TENM3: variants seen among roughly 807,000 people sequenced by gnomAD.
TENM3 encodes the protein teneurin-3.
In TENM3, 63 loss-of-function variants were observed where a neutral mutation model predicts 255.1. That is an observed-to-expected ratio of 0.25 (90% CI 0.20 to 0.30). TENM3 has a LOEUF of 0.30. Ranked by LOEUF, TENM3 falls within the 10% of genes least tolerant of loss-of-function variation. The pLI, the probability that TENM3 is intolerant of heterozygous loss-of-function variation, is 1.00. For missense variants in TENM3, 2,929 were observed against 3,461.1 expected (o/e 0.85, Z 3.86); for synonymous variants, 1,306 against 1,322.3 (o/e 0.99, Z 0.27).
intron 1 of TENM3, among the ~76,000 whole-genome samples, chr4:182,290,659 C>A (rs994187708): frequency 6.6e-6 from 1 of 150,960 alleles, no homozygotes; most frequent in Admixed American, 6.6e-5. Flanking sequence ...CCCGCCACCA[C>A]GCCCAGCTAA....
At chr4:181,468,809 C>T in the TENM3 span, among the ~76,000 whole-genome samples, 1 of 152,330 alleles carries the variant, frequency 6.6e-6, no homozygotes, top group South Asian at 2.1e-4. Context: ...TTTGCACTCA[C>T]TGATTTAACA....
intron 3 of TENM3, among the ~76,000 whole-genome samples, chr4:182,425,776 G>T (rs991343912): frequency 6.6e-6 from 1 of 152,112 alleles, no homozygotes; most frequent in Non-Finnish European, 1.5e-5. Flanking sequence ...TTCGGAGGCC[G>T]AGGCAGGCGG....
At chr4:181,949,646 A>G in the TENM3 span, among the ~76,000 whole-genome samples, 1 of 152,098 alleles carries the variant, frequency 6.6e-6, no homozygotes, top group East Asian at 1.9e-4. Context: ...TTTTAATATG[A>G]AAGTCCAAGC....
the TENM3 span, among the ~76,000 whole-genome samples, chr4:181,745,965 T>A: frequency 2.0e-5 from 3 of 152,244 alleles, no homozygotes; most frequent in East Asian, 5.8e-4. Flanking sequence ...ACCAAATGAA[T>A]ATTTAGGAAC....
chr4:182,324,110 T>C lies in TENM3; in HGVS notation c.90T>C (p.Asn30=), dbSNP rs534555806. The C allele has an allele frequency of 6.2e-7, 1 of 1,613,886 alleles. No homozygotes were observed. Among genetic ancestry groups the C allele is most frequent in the East Asian group, 2.2e-5 (1 of 44,862 alleles). Residue 30 remains asparagine, a synonymous_variant, in exon 2 of 28, where the codon AAT becomes AAC. Coordinates refer to ENST00000511685, the MANE Select transcript of TENM3 (RefSeq NM_001080477.4). The stretch of plus-strand genomic sequence containing the variant: ...GCTACACAAATTCCTCCGCAGACAA[T>C]GAGGAGTGCCGGGTACCCACACAGA... ...ERRYTNSSAD[N]EECRVPTQKS...
chr4:182,227,897 C>T (rs1756283124), intron 1 of TENM3, among the ~76,000 whole-genome samples: 1 of 152,048 alleles, frequency 6.6e-6, no homozygotes, highest in African/African-American at 2.4e-5. Flanking sequence ...GGTGGAGCGG[C>T]AGAGAGGGAC....
chr4:181,876,349 A>C, the TENM3 span, among the ~76,000 whole-genome samples: 1 of 152,282 alleles, frequency 6.6e-6, no homozygotes, highest in African/African-American at 2.4e-5. Flanking sequence ...CCTACCATGA[A>C]ATATGGGGAA....
the TENM3 span, among the ~76,000 whole-genome samples, chr4:181,899,736 T>G: frequency 1.3e-5 from 2 of 151,930 alleles, no homozygotes; most frequent in Non-Finnish European, 2.9e-5. Flanking sequence ...CCCAGCTAGT[T>G]TTTGTATTTT....
At chr4:182,138,801 C>T in the TENM3 span, among the ~76,000 whole-genome samples, 1 of 152,202 alleles carries the variant, frequency 6.6e-6, no homozygotes, top group Non-Finnish European at 1.5e-5. Flanking sequence ...TGCCTTTTCT[C>T]ATTGTTTTTG....
the TENM3 span, among the ~76,000 whole-genome samples, chr4:181,627,187 A>T: frequency 1.3e-5 from 2 of 152,314 alleles, no homozygotes; most frequent in East Asian, 3.9e-4. Flanking sequence ...AGGGGTGCTT[A>T]ATATATGGGG....
chr4:182,036,550 C>T, the TENM3 span, among the ~76,000 whole-genome samples: 1 of 152,132 alleles, frequency 6.6e-6, no homozygotes, highest in Non-Finnish European at 1.5e-5. Flanking sequence ...TTTATATCCC[C>T]CAAACCCAAA....
the TENM3 span, among the ~76,000 whole-genome samples, chr4:181,715,324 C>G: frequency 6.6e-6 from 1 of 152,264 alleles, no homozygotes; most frequent in African/African-American, 2.4e-5. Flanking sequence ...TTAGATGTTA[C>G]ACATAGTACT....
the TENM3 span, among the ~76,000 whole-genome samples, chr4:181,547,239 C>T: frequency 2.0e-5 from 3 of 151,956 alleles, no homozygotes; most frequent in African/African-American, 7.3e-5. Context: ...TAAAATATGA[C>T]ATTTTATATA....
chr4:182,177,188 T>G (rs1445981965), intron 1 of TENM3, among the ~76,000 whole-genome samples: 12 of 152,226 alleles, frequency 7.9e-5, no homozygotes, highest in African/African-American at 2.9e-4. Context: ...CTTGTTCCCC[T>G]TTGTCTTGCA....
intron 3 of TENM3, among the ~76,000 whole-genome samples, chr4:182,364,561 C>T (rs1394231386): frequency 5.3e-5 from 8 of 152,068 alleles, no homozygotes; most frequent in South Asian, 2.1e-4. Flanking sequence ...GGACTACGGG[C>T]GCCCACCACC....
intron 4 of TENM3, among the ~76,000 whole-genome samples, chr4:182,621,716 T>C (rs565308363): frequency 5.1e-4 from 10 of 19,586 alleles, no homozygotes; most frequent in African/African-American, 5.7e-4. Context: ...ATATATAATA[T>C]ATATTATATA....
chr4:181,961,762 C>A, the TENM3 span, among the ~76,000 whole-genome samples: 3 of 152,072 alleles, frequency 2.0e-5, no homozygotes, highest in Non-Finnish European at 4.4e-5. Flanking sequence ...TCTATAAAAT[C>A]TATTATTTTT....
chr4:182,755,356 G>A lies in TENM3; in HGVS notation c.4892+97G>A, dbSNP rs577374787. 1.4e-5 allele frequency: 17 copies of A among 1,182,206 alleles called. No homozygotes were observed. In the African/African-American group the frequency reaches 2.0e-4, roughly 14 times the overall value. The allele number at this position is 1,182,206 out of a possible 1,614,324, so 73.2% of individuals were successfully genotyped here. A position where few individuals can be genotyped will look rare whatever the true frequency, so the allele number is the denominator to read the frequency against. On this transcript the variant is annotated intron_variant, in intron 22 of 27. Transcript: ENST00000511685. ...AATCTTAAGAGCTGGAGGATTCCAT[G>A]TTTTTGAGAGTCTAGAGCTTCTGTA...
Position 182,738,546 on chromosome 4 carries a change from T to A in TENM3, c.3379+2T>A, listed in dbSNP as rs1306113947. On this transcript the variant is annotated splice_donor_variant, in intron 18 of 27. Coordinates refer to ENST00000511685, the MANE Select transcript of TENM3 (RefSeq NM_001080477.4). LOFTEE classifies it high-confidence loss of function. ...ATCACGTGCTGGATGTACAGAACGG[T>A]AAGCTCTTGTTCATAGATAACTGAT... is the stretch of plus-strand genomic sequence containing the variant. 1 of 1,608,096 alleles carries A rather than the reference T, an allele frequency of 6.2e-7. No individual in the cohort carries two copies. Among genetic ancestry groups the A allele is most frequent in the African/African-American group, 1.3e-5 (1 of 74,624 alleles).
Sources: allele counts gnomAD v4.1 joint callset (sites outside exome capture counted in the v4.1 genomes callset), GRCh38; gene constraint gnomAD v4.1.1; transcripts MANE v1.5; gene names NCBI Gene and HGNC (gene_info 2026-07-23, HGNC 2026-07-21).